Variants in KIF24 observed in about 807,000 individuals in gnomAD.
KIF24 encodes the protein kinesin family member 24.
In KIF24, 81 loss-of-function variants were observed where a neutral mutation model predicts 118.9. The observed-to-expected ratio is 0.68, with a 90% confidence interval of 0.57 to 0.82. The LOEUF is 0.82. Ranked by LOEUF, KIF24 falls within the 40% of genes least tolerant of loss-of-function variation. The pLI is 0.00. For missense variants in KIF24, 1,560 were observed against 1,661.6 expected (o/e 0.94, Z 1.06); for synonymous variants, 599 against 610.0 (o/e 0.98, Z 0.27).
chr9:34,278,679 A>G (rs545740061), intron 6 of KIF24, among the ~76,000 whole-genome samples: 1 of 152,138 alleles, frequency 6.6e-6, no homozygotes, highest in Non-Finnish European at 1.5e-5. Flanking sequence ...CTTTAAAACT[A>G]CTAAGCTCCC....
chr9:34,265,247 C>T (rs529207617), intron 8 of KIF24, among the ~76,000 whole-genome samples: 8 of 152,324 alleles, frequency 5.3e-5, no homozygotes, highest in Middle Eastern at 6.8e-3. Context: ...CAGCTCACTG[C>T]TGCCTTGAAT....
intron 5 of KIF24, among the ~76,000 whole-genome samples, chr9:34,289,782 T>C (rs892209018): frequency 1.3e-5 from 2 of 152,212 alleles, no homozygotes; most frequent in Non-Finnish European, 2.9e-5. Context: ...CCTAAGATTA[T>C]TTAGAGGAAA....
chr9:34,289,240 T>C (rs184818475), intron 5 of KIF24, among the ~76,000 whole-genome samples: 1 of 152,302 alleles, frequency 6.6e-6, no homozygotes, highest in African/African-American at 2.4e-5. Context: ...AGTACCCTAC[T>C]GACCCTCTAC....
At chr9:34,314,308 C>T (rs13284113) in intron 1 of KIF24, among the ~76,000 whole-genome samples, 20,625 of 151,940 alleles carry the variant, frequency 0.14, 1,904 homozygotes, top group Non-Finnish European at 0.19. Flanking sequence ...GGAGTACAGG[C>T]GCGCGCCACC....
Position 34,254,478 on chromosome 9 carries a change from G to A in KIF24, c.4009C>T (p.Leu1337=). The change falls in exon 13 of 13, where the codon CTG becomes TTG. Residue 1337 remains leucine (L), a synonymous_variant. Transcript: ENST00000402558. ...FVTQLDEIMV[L]KSKCIQSLRS... Reference sequence around the variant, plus strand: ...AGACTCTGGATACACTTGGATTTCAGAACCATGATTTCATCCAGCTGGGTC... The same window carrying A: ...AGACTCTGGATACACTTGGATTTCAAAACCATGATTTCATCCAGCTGGGTC... The A allele has an allele frequency of 6.2e-7, 1 of 1,613,926 alleles. No homozygotes were observed. The highest frequency in any genetic ancestry group is 8.5e-7 in the Non-Finnish European group (1 of 1,179,840).
At chr9:34,280,606 C>A (rs1222902512) in intron 6 of KIF24, among the ~76,000 whole-genome samples, 1 of 152,086 alleles carries the variant, frequency 6.6e-6, no homozygotes, top group Non-Finnish European at 1.5e-5. Context: ...ATGGTCACAG[C>A]CCCAGGGCAG....
intron 3 of KIF24, among the ~76,000 whole-genome samples, chr9:34,303,537 T>C (rs1836803508): frequency 6.6e-6 from 1 of 152,152 alleles, no homozygotes; most frequent in Non-Finnish European, 1.5e-5. Flanking sequence ...ATGTAGGCTT[T>C]TGTACTCATA....
chr9:34,294,118 T>C (rs1836366116), intron 4 of KIF24, among the ~76,000 whole-genome samples: 1 of 152,124 alleles, frequency 6.6e-6, no homozygotes, highest in African/African-American at 2.4e-5. Flanking sequence ...CAAACCCAGC[T>C]AATTAAAAAA....
Position 34,257,530 on chromosome 9 carries a change from C to T in KIF24, c.2077G>A (p.Gly693Ser), listed in dbSNP as rs373559929. Residue 693 changes from glycine to serine, a missense_variant, in exon 11 of 13, where the codon GGC becomes AGC. By Grantham distance (56) the Gly-to-Ser change is moderately conservative. Coordinates refer to ENST00000402558, the MANE Select transcript of KIF24 (RefSeq NM_194313.4). ...WESRASGPGE[G>S]LVRGKLSTKC... ...GTGGACAGCTTACCACGCACTAGGC[C>T]TTCTCCTGGGCCTGAGGCCCTGCTT... 1 of 1,614,094 alleles carries T rather than the reference C, an allele frequency of 6.2e-7. No individual in the cohort carries two copies. The highest frequency in any genetic ancestry group is 8.5e-7 in the Non-Finnish European group (1 of 1,179,906).
chr9:34,329,685 C>T (rs1048115403), upstream of KIF24: 1 of 152,454 alleles, frequency 6.6e-6, no homozygotes, highest in Non-Finnish European at 1.5e-5. Context: ...TCTGGCAAAC[C>T]TCTGGTCGCT....
chr9:34,281,062 G>C (rs1190408120), intron 6 of KIF24, among the ~76,000 whole-genome samples: 1 of 152,164 alleles, frequency 6.6e-6, no homozygotes, highest in Non-Finnish European at 1.5e-5. Context: ...GTCTTGCTCT[G>C]TTGCCTAGGC....
intron 1 of KIF24, among the ~76,000 whole-genome samples, chr9:34,321,913 T>C (rs75014160): frequency 6.6e-6 from 1 of 152,040 alleles, no homozygotes; most frequent in East Asian, 1.9e-4. Context: ...TCCTACATTA[T>C]ATTTTTGTAA....
At chr9:34,292,980 A>G (rs184338104) in intron 4 of KIF24, among the ~76,000 whole-genome samples, 59 of 152,232 alleles carry the variant, frequency 3.9e-4, no homozygotes, top group Non-Finnish European at 7.1e-4. Flanking sequence ...TGTTATTACT[A>G]AAGTCTTAAC....
intron 8 of KIF24, among the ~76,000 whole-genome samples, chr9:34,264,401 G>T (rs1255950809): frequency 6.6e-6 from 1 of 151,436 alleles, no homozygotes; most frequent in Non-Finnish European, 1.5e-5. Context: ...CTGTACTCCA[G>T]CCTGGGTGAC....
At chr9:34,288,848 C>CCACACACACACACACACACA (rs10537521) in intron 5 of KIF24, among the ~76,000 whole-genome samples, 5 of 138,902 alleles carry the variant, frequency 3.6e-5, no homozygotes, top group African/African-American at 1.4e-4. Context: ...CCCAAATAAA[C>CCACACACACACACACACACA]CACACACACA....
At chr9:34,305,946 CTTT>C (rs1027344286) in intron 3 of KIF24, among the ~76,000 whole-genome samples, 1 of 151,786 alleles carries the variant, frequency 6.6e-6, no homozygotes, top group Non-Finnish European at 1.5e-5. Context: ...TTCATTCCTC[CTTT>C]TTTTTGCTGA....
chr9:34,310,662 G>T lies in KIF24; in HGVS notation c.623+62C>A, dbSNP rs962388683. The T allele has an allele frequency of 4.1e-5, 51 of 1,229,864 alleles. No homozygotes were observed. The South Asian group carries it at 7.2e-4, about 17-fold the overall frequency. The allele number at this position is 1,229,864 out of a possible 1,614,324, so 76.2% of individuals were successfully genotyped here. ...TAGATGCTGTCTGCTGGACATGAAG[G>T]AGAGGCCTGCCCTTGCCTGAGGCTA... On this transcript the variant is annotated intron_variant, in intron 2 of 12. Coordinates refer to ENST00000402558, the MANE Select transcript of KIF24 (RefSeq NM_194313.4).
At chr9:34,292,767 A>T (rs1836303898) in intron 4 of KIF24, among the ~76,000 whole-genome samples, 1 of 152,216 alleles carries the variant, frequency 6.6e-6, no homozygotes, top group Non-Finnish European at 1.5e-5. Flanking sequence ...GGTACTATAA[A>T]TACCGGCAGA....
chr9:34,313,738 G>GTTT (rs5897567), intron 1 of KIF24, among the ~76,000 whole-genome samples: 25 of 130,352 alleles, frequency 1.9e-4, no homozygotes, highest in Non-Finnish European at 2.5e-4. Context: ...CCCGTTATCT[G>GTTT]TTTTTTTTTT....
Sources: allele counts gnomAD v4.1 joint callset (sites outside exome capture counted in the v4.1 genomes callset), GRCh38; gene constraint gnomAD v4.1.1; transcripts MANE v1.5; gene names NCBI Gene and HGNC (gene_info 2026-07-23, HGNC 2026-07-21).